The following CD163L1 variants were observed in gnomAD, a reference collection of about 807,000 sequenced individuals.
CD163L1 encodes the protein scavenger receptor cysteine-rich type 1 protein M160.
CD163L1 carries 124 observed loss-of-function variants against 165.4 expected under a neutral mutation model. That is an observed-to-expected ratio of 0.75 (90% CI 0.65 to 0.87). CD163L1 has a LOEUF of 0.87. Among genes scored for constraint, CD163L1 ranks in the 40% least tolerant of loss-of-function variants. CD163L1 has a pLI of 0.00. For synonymous variants in CD163L1, 585 were observed against 662.2 expected (o/e 0.88, Z 1.79); for missense variants, 1,525 against 1,799.9 (o/e 0.85, Z 2.76).
At chr12:7,328,467 A>C in the CD163L1 span, 1 of 994,668 alleles carries the variant, frequency 1.0e-6, no homozygotes, top group Non-Finnish European at 1.4e-6. Flanking sequence ...TAAAATGTTT[A>C]AGATCTTTCC....
rs1365237741 is a variant in CD163L1, at chr12:7,377,574, CA to C, written c.2371+1403del. On this transcript the variant is annotated intron_variant, in intron 9 of 19. Coordinates refer to ENST00000313599, the MANE Select transcript of CD163L1 (RefSeq NM_174941.6). ...ACATCTTTACCTCCCATTTCCTTCT[CA>C]ACTTGAAATGATCTCCTTTTTCTAA... Among the ~76,000 whole-genome samples, 11 of 152,320 alleles carry C rather than the reference CA, an allele frequency of 7.2e-5. 1 individual carries two copies. The East Asian group carries it at 2.1e-3, about 29-fold the overall frequency.
intron 13 of CD163L1, 141 bp from the exon 14 acceptor site, chr12:7,373,781 C>A: frequency 1.5e-6 from 1 of 670,288 alleles, no homozygotes. Flanking sequence ...ATATTAACAG[C>A]ATAAATCTGA....
At chr12:7,383,482 C>G (rs1947454680) in intron 8 of CD163L1, among the ~76,000 whole-genome samples, 1 of 152,170 alleles carries the variant, frequency 6.6e-6, no homozygotes, top group Non-Finnish European at 1.5e-5. Context: ...GGTAGATAAG[C>G]AAGCCACCTG....
At chr12:7,410,621 G>A (rs1441282734) in intron 4 of CD163L1, among the ~76,000 whole-genome samples, 1 of 126,984 alleles carries the variant, frequency 7.9e-6, no homozygotes, top group Non-Finnish European at 1.6e-5. Context: ...AAAAAAAGGA[G>A]AGCGACGAGA....
At chr12:7,430,955 C>T (rs1948617527) in intron 4 of CD163L1, among the ~76,000 whole-genome samples, 1 of 151,896 alleles carries the variant, frequency 6.6e-6, no homozygotes, top group African/African-American at 2.4e-5. Context: ...GTCAACTAAA[C>T]GTGCTGCAAA....
At chr12:7,439,177 G>T in intron 2 of CD163L1, 1 of 1,576,364 alleles carries the variant, frequency 6.3e-7, no homozygotes. Flanking sequence ...CCTCCGGAAA[G>T]GGGGAATCAT....
rs556138453 is a variant in CD163L1 at position 7,369,206 on chromosome 12, T to C, written c.4039+151A>G. 4.2e-6 allele frequency: 4 copies of C among 947,924 alleles called. No individual in the cohort carries two copies. Among genetic ancestry groups the C allele is most frequent in the Non-Finnish European group, 6.3e-6 (4 of 630,792 alleles). The allele number at this position is 947,924 out of a possible 1,614,324, so 58.7% of individuals were successfully genotyped here. A position where few individuals can be genotyped will look rare whatever the true frequency, so the allele number is the denominator to read the frequency against. On this transcript the variant is annotated intron_variant, in intron 15 of 19. Coordinates refer to ENST00000313599, the MANE Select transcript of CD163L1 (RefSeq NM_174941.6). This position sits in a 1 kb window ranked among gnomAD's most constrained non-coding sequence, Gnocchi z 4.9. ...GATAACAGTGGAACATTATCTTATTTAGTTGTGGAAAAACGTTAGTTTAAC... is the reference window on the plus strand; with the variant it reads ...GATAACAGTGGAACATTATCTTATTCAGTTGTGGAAAAACGTTAGTTTAAC...
intron 5 of CD163L1, among the ~76,000 whole-genome samples, chr12:7,404,790 T>C (rs1228184504): frequency 6.6e-6 from 1 of 152,214 alleles, no homozygotes; most frequent in Non-Finnish European, 1.5e-5. Context: ...TCTCAACCTA[T>C]ACCTGTTGAG....
Position 7,375,285 on chromosome 12 carries a change from G to C in CD163L1, c.2997C>G (p.Cys999Trp). ...CCATAAGCACTATTCTCTTACCTGT[G>C]CAGATCACAGAGACAGTATTTCCAT... ...CIHGNTVSVI[C>W]TGSLTQPLFP... The change falls in exon 11 of 20, where the codon TGC becomes TGG. Residue 999 changes from cysteine (C) to tryptophan (W), a missense_variant. Physicochemically the swap from Cys to Trp is radical, Grantham distance 215. Transcript: ENST00000313599. 1 of 1,613,438 alleles carries C rather than the reference G, an allele frequency of 6.2e-7. No individual in the cohort carries two copies. The highest frequency in any genetic ancestry group is 8.5e-7 in the Non-Finnish European group (1 of 1,179,890).
At chr12:7,343,452 G>A (rs1255685667), downstream of CD163L1, among the ~76,000 whole-genome samples, 1 of 152,194 alleles carries the variant, frequency 6.6e-6, no homozygotes, top group African/African-American at 2.4e-5. Flanking sequence ...TCTGCAGGAT[G>A]TACAGGAAGC....
At chr12:7,409,580 C>T (rs1948093165) in intron 4 of CD163L1, among the ~76,000 whole-genome samples, 1 of 152,166 alleles carries the variant, frequency 6.6e-6, no homozygotes, top group East Asian at 1.9e-4. Context: ...AGGTGGAGCT[C>T]TATCAGTAAT....
chr12:7,375,904 C>T lies in CD163L1; in HGVS notation c.2482G>A (p.Ala828Thr). 1.2e-6 allele frequency: 2 copies of T among 1,614,216 alleles called. No individual in the cohort carries two copies. The highest frequency in any genetic ancestry group is 1.7e-6 in the Non-Finnish European group (2 of 1,180,024). Residue 828 changes from alanine to threonine, a missense_variant, in exon 10 of 20, where the codon GCT becomes ACT. Ala to Thr is a moderately conservative substitution (Grantham distance 58, BLOSUM62 0). Coordinates refer to ENST00000313599, the MANE Select transcript of CD163L1 (RefSeq NM_174941.6). ...AATTCTCTGCACAGCACATTGGCAG[C>T]ATGAAGAGAGAAATCAGAATCACAG... is the stretch of plus-strand genomic sequence containing the variant. ...SVCDSDFSLH[A>T]ANVLCRELNC...
At chr12:7,329,307 G>T in the CD163L1 span, among the ~76,000 whole-genome samples, 1 of 141,608 alleles carries the variant, frequency 7.1e-6, no homozygotes, top group African/African-American at 2.6e-5. Context: ...TCAGCTATTA[G>T]TGGTTTATTT....
intron 18 of CD163L1, among the ~76,000 whole-genome samples, chr12:7,359,280 A>C (rs1946843386): frequency 6.6e-6 from 1 of 152,022 alleles, no homozygotes; most frequent in African/African-American, 2.4e-5. Flanking sequence ...CAAAAAAACA[A>C]AACAAACAAA....
chr12:7,437,184 TTTTTA>T (rs1055095949), intron 2 of CD163L1, among the ~76,000 whole-genome samples: 13 of 48,726 alleles, frequency 2.7e-4, no homozygotes, highest in East Asian at 2.3e-3. Context: ...ATTACTTTTA[TTTTTA>T]TTTTAATAGT....
At chr12:7,333,540 A>G in the CD163L1 span, among the ~76,000 whole-genome samples, 1 of 152,250 alleles carries the variant, frequency 6.6e-6, no homozygotes, top group Non-Finnish European at 1.5e-5. Context: ...AGAAAGCAGG[A>G]AAGATCTAAA....
chr12:7,386,267 G>A (rs189425552), intron 8 of CD163L1, among the ~76,000 whole-genome samples: 1 of 151,932 alleles, frequency 6.6e-6, no homozygotes, highest in Non-Finnish European at 1.5e-5. Context: ...GATTAATCAA[G>A]GAAGAAATAG....
At chr12:7,399,466 C>G in intron 6 of CD163L1, among the ~76,000 whole-genome samples, 2 of 151,330 alleles carry the variant, frequency 1.3e-5, no homozygotes, top group Non-Finnish European at 2.9e-5. Context: ...CCTTTCCCTT[C>G]TTTCCTTCCT....
At chr12:7,329,619 TG>T in the CD163L1 span, among the ~76,000 whole-genome samples, 1 of 152,026 alleles carries the variant, frequency 6.6e-6, no homozygotes, top group Non-Finnish European at 1.5e-5. Context: ...TGTTTGTTTG[TG>T]TTTTTTTTAA....
Sources: gnomAD v4.1 joint callset for allele counts (sites outside exome capture counted in the v4.1 genomes callset) on GRCh38, gnomAD v4.1.1 for gene constraint, Gnocchi (gnomAD v3.1) non-coding constraint, MANE v1.5 for transcripts, NCBI Gene and HGNC (gene_info 2026-07-23, HGNC 2026-07-21) for gene names.